CSNK1G1: variants seen among roughly 807,000 people sequenced by gnomAD.
CSNK1G1 encodes casein kinase I isoform gamma-1.
In CSNK1G1, 22 loss-of-function variants were observed where a neutral mutation model predicts 59.6. The observed-to-expected ratio is 0.37, with a 90% CI of 0.26 to 0.53. CSNK1G1 has a LOEUF of 0.53. CSNK1G1 is among the 20% of genes least tolerant of loss of function. The pLI is 0.89. For synonymous variants in CSNK1G1, 179 were observed against 177.1 expected, an observed-to-expected ratio of 1.01 and a Z score of -0.08; for missense variants, 384 against 519.5, an observed-to-expected ratio of 0.74 and a Z score of 2.54.
chr15:64,206,474 G>C (rs927056910), intron 7 of CSNK1G1, among the ~76,000 whole-genome samples: 16 of 151,456 alleles, frequency 1.1e-4, no homozygotes, highest in Non-Finnish European at 1.9e-4. Context: ...GGGCGTGGTG[G>C]CATGCACCTG....
At chr15:64,297,698 CAA>C (rs35206976) in intron 2 of CSNK1G1, among the ~76,000 whole-genome samples, 14 of 135,026 alleles carry the variant, frequency 1.0e-4, no homozygotes, top group Non-Finnish European at 8.0e-5. Flanking sequence ...CCCTGTCTCT[CAA>C]AAAAAAAAAA....
chr15:64,201,443 A>T (rs1007192170), intron 10 of CSNK1G1, among the ~76,000 whole-genome samples: 8 of 152,164 alleles, frequency 5.3e-5, no homozygotes, highest in African/African-American at 1.9e-4. Flanking sequence ...AGAAGTCAAC[A>T]GTCTTTTGTT....
chr15:64,295,943 A>T (rs893745422), intron 2 of CSNK1G1, among the ~76,000 whole-genome samples: 1 of 152,202 alleles, frequency 6.6e-6, no homozygotes, highest in African/African-American at 2.4e-5. Flanking sequence ...TGACCCAGTC[A>T]TGTATAACTA....
In CSNK1G1 at chr15:64,319,819, C is replaced by T. The variant is rs114611749; in HGVS notation, c.-224-19096G>A. Among the ~76,000 whole-genome samples, 484 of 151,584 alleles carry T rather than the reference C, an allele frequency of 3.2e-3. 1 individual carries two copies. The highest frequency in any genetic ancestry group is 0.011 in the African/African-American group (469 of 41,284). Reference sequence around the variant, plus strand: ...GCTATCATGCTTCACCCCCTGTATTCGTGTTACAGACACAAAATGTAACAC... The same window carrying T: ...GCTATCATGCTTCACCCCCTGTATTTGTGTTACAGACACAAAATGTAACAC... On this transcript the variant is annotated intron_variant, in intron 1 of 11. Coordinates refer to ENST00000303052, the MANE Select transcript of CSNK1G1 (RefSeq NM_022048.5).
chr15:64,192,632 G>C (rs1408240824), intron 10 of CSNK1G1, among the ~76,000 whole-genome samples: 1 of 151,794 alleles, frequency 6.6e-6, no homozygotes, highest in East Asian at 1.9e-4. Flanking sequence ...GCTGAGGGGG[G>C]CGGATCACCT....
At chr15:64,207,375 T>C (rs2082196136) in intron 7 of CSNK1G1, 134 bp downstream of exon 7, 1 of 603,612 alleles carries the variant, frequency 1.7e-6, no homozygotes, top group South Asian at 2.0e-5. Flanking sequence ...CCTCCCAAAG[T>C]GCTGGGATTA....
intron 4 of CSNK1G1, among the ~76,000 whole-genome samples, chr15:64,240,918 G>A (rs1185721032): frequency 6.6e-6 from 1 of 152,120 alleles, no homozygotes; most frequent in Admixed American, 6.5e-5. Context: ...TATCACTACA[G>A]AAAACCACCA....
At chr15:64,194,570 T>G (rs1041607982) in intron 10 of CSNK1G1, among the ~76,000 whole-genome samples, 2 of 148,708 alleles carry the variant, frequency 1.3e-5, no homozygotes, top group East Asian at 3.9e-4. Context: ...CAGGCTGGAG[T>G]GCAGTGGTGC....
chr15:64,184,404 C>CG (rs1211943707), intron 10 of CSNK1G1, among the ~76,000 whole-genome samples: 2 of 151,938 alleles, frequency 1.3e-5, no homozygotes, highest in African/African-American at 4.8e-5. Context: ...CGGCCAGGCA[C>CG]GGTGGCTCGT....
At position 64,200,145 on chromosome 15, in the gene CSNK1G1, T is replaced by A. The variant is rs2082089455; in HGVS notation, c.1107+2937A>T. ...CTGTAATCCCAGCTTCTCAGGAAGC[T>A]GAGGCAGAAGAATCGCTTGAACTCA... On this transcript the variant is annotated intron_variant, in intron 10 of 11. Coordinates refer to ENST00000303052, the MANE Select transcript of CSNK1G1 (RefSeq NM_022048.5). The surrounding 1 kb of genome is among the most constrained non-coding windows in gnomAD (Gnocchi z 4.3). Among the ~76,000 whole-genome samples the A allele has an allele frequency of 6.6e-6, 1 of 151,696 alleles. No individual in the cohort carries two copies. Among genetic ancestry groups the A allele is most frequent in the Non-Finnish European group, 1.5e-5 (1 of 67,970 alleles).
In CSNK1G1 at chr15:64,319,266, G is replaced by C. The variant is rs566736075; in HGVS notation, c.-224-18543C>G. Among the ~76,000 whole-genome samples, 18 of 152,312 alleles carry C rather than the reference G, an allele frequency of 1.2e-4. No homozygotes were observed. In the South Asian group the frequency reaches 3.5e-3, roughly 30 times the overall value. On this transcript the variant is annotated intron_variant, in intron 1 of 11. Coordinates refer to ENST00000303052, the MANE Select transcript of CSNK1G1 (RefSeq NM_022048.5). ...TGGATAAAACCTGGTATCATCCAGA[G>C]TCTCACATGTTAGACTTTGAGCTGG... is the stretch of plus-strand genomic sequence containing the variant.
chr15:64,227,542 C>T (rs1283388235), intron 4 of CSNK1G1, among the ~76,000 whole-genome samples: 3 of 152,192 alleles, frequency 2.0e-5, no homozygotes, highest in Non-Finnish European at 4.4e-5. Context: ...AAAAATGAGA[C>T]ATCTAAATCA....
rs1324593873 is a variant in CSNK1G1, at chr15:64,204,876, T to C, written c.839A>G (p.Glu280Gly). Residue 280 changes from glutamate to glycine, a missense_variant, in exon 8 of 12, where the codon GAG (glutamate) becomes GGG (glycine). This residue lies in a region of CSNK1G1 where 325 missense variants were observed against 440.9 expected (regional missense o/e 0.74). Coordinates refer to ENST00000303052, the MANE Select transcript of CSNK1G1 (RefSeq NM_022048.5). Reference sequence around the variant, plus strand: ...TTTTAGCATCCCACCTGGAAAGTTCTCACAGAGAGCTTCAATGGGAGTATT... The same window carrying C: ...TTTTAGCATCCCACCTGGAAAGTTCCCACAGAGAGCTTCAATGGGAGTATT... ...KRNTPIEALC[E>G]NFPEEMATYL... is the part of the protein sequence containing the mutation. The C allele has an allele frequency of 6.2e-7, 1 of 1,608,752 alleles. No individual in the cohort carries two copies. The highest frequency in any genetic ancestry group is 8.5e-7 in the Non-Finnish European group (1 of 1,175,344).
intron 4 of CSNK1G1, among the ~76,000 whole-genome samples, chr15:64,225,326 T>G (rs960261823): frequency 6.6e-6 from 1 of 152,084 alleles, no homozygotes; most frequent in Non-Finnish European, 1.5e-5. Context: ...CTTCTTGGAA[T>G]TGGACTAAGA....
chr15:64,185,252 C>T (rs755880512), intron 10 of CSNK1G1, among the ~76,000 whole-genome samples: 1 of 152,196 alleles, frequency 6.6e-6, no homozygotes, highest in Non-Finnish European at 1.5e-5. Flanking sequence ...GTCTGCAAGT[C>T]ACCCAGGTTA....
chr15:64,184,977 C>G (rs765485393), intron 10 of CSNK1G1, among the ~76,000 whole-genome samples: 9 of 152,184 alleles, frequency 5.9e-5, no homozygotes, highest in Non-Finnish European at 1.2e-4. Context: ...CATTCTAAGT[C>G]TTATGTCCTT....
intron 2 of CSNK1G1, among the ~76,000 whole-genome samples, chr15:64,262,585 C>G (rs1031349782): frequency 1.3e-5 from 2 of 152,124 alleles, no homozygotes; most frequent in Admixed American, 6.5e-5. Flanking sequence ...TGAATAATAT[C>G]CAATGCCAGG....
intron 1 of CSNK1G1, among the ~76,000 whole-genome samples, chr15:64,328,961 C>A (rs1220952248): frequency 6.9e-5 from 10 of 145,014 alleles, no homozygotes; most frequent in Non-Finnish European, 1.5e-4. Flanking sequence ...ATGAATTCAA[C>A]AAGAGGAGCT....
At chr15:64,287,404 T>A (rs1159897685) in intron 2 of CSNK1G1, among the ~76,000 whole-genome samples, 1 of 152,198 alleles carries the variant, frequency 6.6e-6, no homozygotes, top group Non-Finnish European at 1.5e-5. Flanking sequence ...ATCTTTTTCA[T>A]ATTAATTTTT....
Sources: allele counts gnomAD v4.1 joint callset (sites outside exome capture counted in the v4.1 genomes callset), GRCh38; gene constraint gnomAD v4.1.1; regional missense constraint gnomAD v4.1.1; non-coding constraint Gnocchi (gnomAD v3.1); transcripts MANE v1.5; gene names NCBI Gene and HGNC (gene_info 2026-07-23, HGNC 2026-07-21).